KIF1B: variants seen among roughly 807,000 people sequenced by gnomAD.
KIF1B encodes kinesin family member 1B.
A neutral mutation model predicts 241.9 loss-of-function variants in KIF1B; 76 were observed. That is an observed-to-expected ratio of 0.31 (90% CI 0.26 to 0.38). The LOEUF is 0.38. Ranked by LOEUF, KIF1B falls within the 10% of genes least tolerant of loss-of-function variation. The pLI is 1.00. For synonymous variants in KIF1B, 750 were observed against 796.7 expected, an observed-to-expected ratio of 0.94 and a Z score of 0.99; for missense variants, 1,622 against 2,271.4, an observed-to-expected ratio of 0.71 and a Z score of 5.81.
At chr1:10,350,060 A>C (rs1652733717) in intron 37 of KIF1B, among the ~76,000 whole-genome samples, 1 of 152,030 alleles carries the variant, frequency 6.6e-6, no homozygotes, top group South Asian at 2.1e-4. Flanking sequence ...GGAGGCTGAG[A>C]TGGGCGGATC....
chr1:10,265,556 A>T (rs116736282), intron 5 of KIF1B, among the ~76,000 whole-genome samples: 1 of 152,110 alleles, frequency 6.6e-6, no homozygotes, highest in Admixed American at 6.5e-5. Flanking sequence ...TTTAAAACAC[A>T]AATTAAGGCC....
intron 31 of KIF1B, among the ~76,000 whole-genome samples, chr1:10,339,120 A>G (rs4846213): frequency 0.33 from 49,909 of 151,992 alleles, 8,347 homozygotes; most frequent in Middle Eastern, 0.38. Flanking sequence ...ACATCTCACT[A>G]TCTGTGAAAA....
intron 4 of KIF1B, among the ~76,000 whole-genome samples, chr1:10,261,266 C>T (rs545377110): frequency 2.9e-4 from 43 of 148,706 alleles, no homozygotes; most frequent in African/African-American, 7.7e-4. Flanking sequence ...CTGCACCTGG[C>T]CAAATTTTTT....
chr1:10,311,187 A>G (rs965341793), intron 22 of KIF1B, among the ~76,000 whole-genome samples: 6 of 148,038 alleles, frequency 4.1e-5, no homozygotes, highest in Non-Finnish European at 8.9e-5. Flanking sequence ...TTCTGTACTT[A>G]TTACGTCCTA....
intron 15 of KIF1B, 37 bp from the exon 16 acceptor site, chr1:10,291,045 A>T: frequency 1.3e-6 from 2 of 1,515,274 alleles, no homozygotes; most frequent in Non-Finnish European, 1.8e-6. Context: ...AAATTATAAG[A>T]CTCTTTGCCT....
intron 22 of KIF1B, 60 bp from the exon 23 acceptor site, chr1:10,319,983 C>A: frequency 9.0e-7 from 1 of 1,106,666 alleles, no homozygotes; most frequent in South Asian, 1.3e-5. Flanking sequence ...TTCCATTTCT[C>A]TTTCCCTGCC....
At chr1:10,240,720 C>CTTT (rs771359959) in intron 2 of KIF1B, among the ~76,000 whole-genome samples, 22 of 103,756 alleles carry the variant, frequency 2.1e-4, no homozygotes, top group East Asian at 1.6e-3. Context: ...ATGGGTAGTT[C>CTTT]ATTTTTTTTT....
At position 10,378,598 on chromosome 1, in the gene KIF1B, G is replaced by A. The variant is rs990878382; in HGVS notation, c.*2011G>A. On this transcript the variant is annotated 3_prime_UTR_variant, in exon 49 of 49. Transcript: ENST00000676179. ...CGGCCTTGAGGTTGCTGACTCTCAGGCGTTAGGCAGCTGGATGACTTCCCG... is the reference window on the plus strand; with the variant it reads ...CGGCCTTGAGGTTGCTGACTCTCAGACGTTAGGCAGCTGGATGACTTCCCG... The A allele has an allele frequency of 5.0e-6, 3 of 597,146 alleles. No homozygotes were observed. The African/African-American group carries it at 5.6e-5, about 11-fold the overall frequency. 37.0% of individuals were successfully genotyped at this position (597,146 alleles called of 1,614,324 possible).
At chr1:10,339,511 C>T (rs1652309364) in intron 31 of KIF1B, among the ~76,000 whole-genome samples, 1 of 152,210 alleles carries the variant, frequency 6.6e-6, no homozygotes, top group Non-Finnish European at 1.5e-5. Context: ...CTTCTTCACT[C>T]TCTCTAAAGC....
chr1:10,239,890 C>G (rs146321793), intron 2 of KIF1B, among the ~76,000 whole-genome samples: 9 of 151,642 alleles, frequency 5.9e-5, no homozygotes, highest in Admixed American at 5.3e-4. Flanking sequence ...CTCAGCCTCC[C>G]GAGTAGCTGG....
intron 7 of KIF1B, among the ~76,000 whole-genome samples, chr1:10,271,193 A>G (rs868238098): frequency 1.3e-5 from 2 of 150,180 alleles, no homozygotes; most frequent in African/African-American, 4.9e-5. Flanking sequence ...ATTAAAAAAA[A>G]TTTTTTTTTA....
At chr1:10,336,234 C>G (rs1187761943) in intron 28 of KIF1B, among the ~76,000 whole-genome samples, 1 of 152,148 alleles carries the variant, frequency 6.6e-6, no homozygotes, top group Non-Finnish European at 1.5e-5. Flanking sequence ...CTGCAACCTC[C>G]GCCTCCCGGG....
intron 1 of KIF1B, among the ~76,000 whole-genome samples, chr1:10,216,957 C>CTTTTTT (rs70998362): frequency 0.011 from 619 of 54,572 alleles, 23 homozygotes; most frequent in East Asian, 0.027. Context: ...TGCCCATTTT[C>CTTTTTT]TTTTTTTTTT....
intron 15 of KIF1B, among the ~76,000 whole-genome samples, chr1:10,284,446 G>A (rs1354533550): frequency 6.6e-6 from 1 of 152,114 alleles, no homozygotes; most frequent in Non-Finnish European, 1.5e-5. Flanking sequence ...AGCACTTTGG[G>A]AGGCTGAGGC....
At chr1:10,242,784 G>GGATT (rs1417642928) in intron 2 of KIF1B, among the ~76,000 whole-genome samples, 1 of 152,072 alleles carries the variant, frequency 6.6e-6, no homozygotes, top group Non-Finnish European at 1.5e-5. Flanking sequence ...CAAAGTGCTG[G>GGATT]GATTACAGGC....
intron 15 of KIF1B, among the ~76,000 whole-genome samples, chr1:10,285,282 C>T (rs1649631526): frequency 6.6e-6 from 1 of 152,182 alleles, no homozygotes; most frequent in African/African-American, 2.4e-5. Context: ...CTTGAGATTA[C>T]CCTTTCCTTT....
chr1:10,272,998 A>G lies in KIF1B; in HGVS notation c.865-16A>G. On this transcript the variant is annotated splice_polypyrimidine_tract_variant and intron_variant, in intron 9 of 48. Coordinates refer to ENST00000676179, the MANE Select transcript of KIF1B (RefSeq NM_001365951.3). ...CCTGTGTTCTTATTTTCTCCTTTAA[A>G]TGCTTTCACCTGTAGGATAACTGCA... 1.3e-6 allele frequency: 2 copies of G among 1,542,876 alleles called. No homozygotes were observed. The highest frequency in any genetic ancestry group is 1.8e-6 in the Non-Finnish European group (2 of 1,140,814).
intron 1 of KIF1B, among the ~76,000 whole-genome samples, chr1:10,228,485 C>T (rs1646939085): frequency 6.6e-6 from 1 of 152,114 alleles, no homozygotes; most frequent in Non-Finnish European, 1.5e-5. Context: ...CGTTGAAAGT[C>T]ATGCTTTAGA....
chr1:10,232,975 A>C (rs747681924), intron 2 of KIF1B, among the ~76,000 whole-genome samples: 4 of 152,184 alleles, frequency 2.6e-5, no homozygotes, highest in Non-Finnish European at 4.4e-5. Flanking sequence ...TGTTTCTTTT[A>C]TACCTGCATT....
Sources: gnomAD v4.1 joint callset for allele counts (sites outside exome capture counted in the v4.1 genomes callset) on GRCh38, gnomAD v4.1.1 for gene constraint, MANE v1.5 for transcripts, NCBI Gene and HGNC (gene_info 2026-07-23, HGNC 2026-07-21) for gene names.